Variants in SLC17A2 observed in about 807,000 individuals in gnomAD.
SLC17A2 encodes the protein solute carrier family 17 member 2, also known as sodium-dependent phosphate transport protein 3.
A neutral mutation model predicts 52.1 loss-of-function variants in SLC17A2; 38 were observed. That is an observed-to-expected ratio of 0.73 (90% CI 0.56 to 0.96). The LOEUF is 0.96. SLC17A2 is among the 40% of genes least tolerant of loss of function. The probability of loss-of-function intolerance (pLI) is 0.00; values close to 1 mark genes in which losing one functional copy is unlikely to be tolerated. For synonymous variants in SLC17A2, 226 were observed against 211.9 expected, an observed-to-expected ratio of 1.07 and a Z score of -0.58; for missense variants, 508 against 583.9, an observed-to-expected ratio of 0.87 and a Z score of 1.34.
Position 25,914,670 on chromosome 6 carries a change from T to C in SLC17A2, c.1212A>G (p.Arg404=). 1 of 1,588,864 alleles carries C rather than the reference T, an allele frequency of 6.3e-7. No homozygotes were observed. Among genetic ancestry groups the C allele is most frequent in the Non-Finnish European group, 8.6e-7 (1 of 1,157,600 alleles). Residue 404 remains arginine (R), a splice_region_variant and synonymous_variant, in exon 11 of 12, where the codon AGA becomes AGG. Coordinates refer to ENST00000377850, the MANE Select transcript of SLC17A2 (RefSeq NM_001286123.3). ...FIINTLDIAP[R]YASFLMGISR... ...AGATTCCCATGAGGAAACTTGCATA[T>C]CTGTGGGAAGATGATTTTATAAATG...
Position 25,921,410 on chromosome 6 carries a change from G to A in SLC17A2, c.243C>T (p.Ala81=). The change falls in exon 4 of 12, where the codon GCC becomes GCT. Residue 81 remains alanine, a splice_region_variant and synonymous_variant. Coordinates refer to ENST00000377850, the MANE Select transcript of SLC17A2 (RefSeq NM_001286123.3). ...SISIKEFDTK[A]SVYQWSPETQ... is the part of the protein sequence containing the mutation. Reference sequence around the variant, plus strand: ...TTTCTGGGCTCCATTGATACACAGAGGCCTGGGGGAAAAATAGGAAAACTC... The same window carrying A: ...TTTCTGGGCTCCATTGATACACAGAAGCCTGGGGGAAAAATAGGAAAACTC... 6.2e-7 allele frequency: 1 copy of A among 1,605,216 alleles called. No homozygotes were observed. Among genetic ancestry groups the A allele is most frequent in the Non-Finnish European group, 8.5e-7 (1 of 1,173,002 alleles).
chr6:25,923,992 C>G, intron 2 of SLC17A2, 86 bp from the exon 3 acceptor site: 1 of 1,032,928 alleles, frequency 9.7e-7, no homozygotes, highest in African/African-American at 1.6e-5. Context: ...TCTGATAGAA[C>G]TTTGGATGAC....
At chr6:25,921,551 C>A in intron 3 of SLC17A2, 139 bp from the exon 4 acceptor site, 1 of 613,796 alleles carries the variant, frequency 1.6e-6, no homozygotes, top group Non-Finnish European at 2.8e-6. Flanking sequence ...CCTACCTTCC[C>A]AAATAACCAA....
chr6:25,925,843 T>C lies in SLC17A2; in HGVS notation c.-47A>G. 1.2e-6 allele frequency: 2 copies of C among 1,602,084 alleles called. No homozygotes were observed. Among genetic ancestry groups the C allele is most frequent in the Non-Finnish European group, 1.7e-6 (2 of 1,168,894 alleles). On this transcript the variant is annotated 5_prime_UTR_variant, in exon 2 of 12. Coordinates refer to ENST00000377850, the MANE Select transcript of SLC17A2 (RefSeq NM_001286123.3). ...ACCACGCTTTGTGGTGGAGTTTCCCTGTGCCCTGAATCTCTTTTACTACGA... is the reference window on the plus strand; with the variant it reads ...ACCACGCTTTGTGGTGGAGTTTCCCCGTGCCCTGAATCTCTTTTACTACGA...
At chr6:25,925,171 C>T (rs764121894) in intron 2 of SLC17A2, among the ~76,000 whole-genome samples, 2 of 152,040 alleles carry the variant, frequency 1.3e-5, no homozygotes, top group South Asian at 2.1e-4. Context: ...AAGAGCCAGC[C>T]GCTTGGTGAG....
intron 3 of SLC17A2, 78 bp downstream of exon 3, chr6:25,923,617 C>T: frequency 9.1e-7 from 1 of 1,095,964 alleles, no homozygotes; most frequent in East Asian, 2.4e-5. Context: ...TACTTCCATA[C>T]TCCACAGAAT....
At chr6:25,917,169 C>T in intron 6 of SLC17A2, 82 bp from the exon 7 acceptor site, 1 of 885,486 alleles carries the variant, frequency 1.1e-6, no homozygotes. Context: ...GCATGCCTCT[C>T]CCTTCTACAC....
At position 25,923,055 on chromosome 6, in the gene SLC17A2, C is replaced by T. The variant is rs534712494; in HGVS notation, c.240+640G>A. ...TACAAAAATTAGCCAGCCGCGGTGGCATGCCCCCTTACTCCCAGCTACTTG... is the reference window on the plus strand; with the variant it reads ...TACAAAAATTAGCCAGCCGCGGTGGTATGCCCCCTTACTCCCAGCTACTTG... On this transcript the variant is annotated intron_variant, in intron 3 of 11. Transcript: ENST00000377850. Among the ~76,000 whole-genome samples the T allele has an allele frequency of 2.6e-5, 4 of 152,202 alleles. No individual in the cohort carries two copies. The South Asian group carries it at 8.3e-4, about 32-fold the overall frequency.
chr6:25,914,179 C>T (rs1334834332), intron 11 of SLC17A2, among the ~76,000 whole-genome samples: 1 of 152,126 alleles, frequency 6.6e-6, no homozygotes, highest in African/African-American at 2.4e-5. Context: ...GCCTAGGACA[C>T]TTTGTTTCCC....
Position 25,921,001 on chromosome 6 carries a change from C to G in SLC17A2, c.562+5G>C. ...CAAAGCTATGACCCATCTGTGCACA[C>G]TTACCTGATCCTGCAATGGTGGTGA... On this transcript the variant is annotated splice_donor_5th_base_variant and intron_variant, in intron 5 of 11. Coordinates refer to ENST00000377850, the MANE Select transcript of SLC17A2 (RefSeq NM_001286123.3). 6.2e-7 allele frequency: 1 copy of G among 1,613,972 alleles called. No individual in the cohort carries two copies. Among genetic ancestry groups the G allele is most frequent in the Non-Finnish European group, 8.5e-7 (1 of 1,179,818 alleles).
intron 10 of SLC17A2, among the ~76,000 whole-genome samples, 153 bp downstream of exon 10, chr6:25,915,346 G>T (rs1353217445): frequency 6.6e-6 from 1 of 151,450 alleles, no homozygotes; most frequent in African/African-American, 2.4e-5. Flanking sequence ...CACATTTGTT[G>T]TTCTAAAAAT....
chr6:25,914,668 T>G lies in SLC17A2; in HGVS notation c.1214A>C (p.Tyr405Ser). ...IINTLDIAPR[Y>S]ASFLMGISRG... ...TGAGATTCCCATGAGGAAACTTGCA[T>G]ATCTGTGGGAAGATGATTTTATAAA... Residue 405 changes from tyrosine (Y) to serine (S), a missense_variant and splice_region_variant, in exon 11 of 12, where the codon TAT becomes TCT. Physicochemically the swap from Tyr to Ser is moderately radical, Grantham distance 144. Coordinates refer to ENST00000377850, the MANE Select transcript of SLC17A2 (RefSeq NM_001286123.3). 6.3e-7 allele frequency: 1 copy of G among 1,592,328 alleles called. No individual in the cohort carries two copies. The highest frequency in any genetic ancestry group is 8.6e-7 in the Non-Finnish European group (1 of 1,160,470).
Position 25,925,892 on chromosome 6 carries a change from C to T in SLC17A2, c.-83-13G>A. Reference sequence around the variant, plus strand: ...GACAGTCTTTTATCTATGGAGAGAACATAATCCAAAACATAATACACAAAT... The same window carrying T: ...GACAGTCTTTTATCTATGGAGAGAATATAATCCAAAACATAATACACAAAT... On this transcript the variant is annotated splice_polypyrimidine_tract_variant and intron_variant, in intron 1 of 11. Transcript: ENST00000377850. 1 of 1,242,636 alleles carries T rather than the reference C, an allele frequency of 8.0e-7. No individual in the cohort carries two copies. The highest frequency in any genetic ancestry group is 1.2e-6 in the Non-Finnish European group (1 of 841,198). The allele number at this position is 1,242,636 out of a possible 1,614,324, so 77.0% of individuals were successfully genotyped here.
intron 3 of SLC17A2, among the ~76,000 whole-genome samples, chr6:25,922,966 C>T (rs1010935768): frequency 5.9e-5 from 9 of 152,062 alleles, no homozygotes; most frequent in Admixed American, 1.3e-4. Context: ...GAGGCCGAGG[C>T]GGGTGGATCA....
rs768976440 is a variant in SLC17A2 at position 25,914,650 on chromosome 6, C to A, written c.1232G>T (p.Gly411Val). 1.2e-6 allele frequency: 2 copies of A among 1,610,318 alleles called. No homozygotes were observed. The highest frequency in any genetic ancestry group is 1.7e-6 in the Non-Finnish European group (2 of 1,176,784). ...GATGAGCCCAAATCCCCTTGAGATT[C>A]CCATGAGGAAACTTGCATATCTGTG... is the stretch of plus-strand genomic sequence containing the variant. ...IAPRYASFLM[G>V]ISRGFGLIAG... Residue 411 changes from glycine (G) to valine (V), a missense_variant, in exon 11 of 12, where the codon GGA (glycine) becomes GTA (valine). Coordinates refer to ENST00000377850, the MANE Select transcript of SLC17A2 (RefSeq NM_001286123.3).
intron 1 of SLC17A2, among the ~76,000 whole-genome samples, chr6:25,928,356 G>A (rs1194713408): frequency 6.6e-6 from 1 of 152,054 alleles, no homozygotes; most frequent in Non-Finnish European, 1.5e-5. Context: ...CTAGAAGGAA[G>A]TTTGATAATG....
In SLC17A2 at chr6:25,916,575, T is replaced by C. The variant is rs1766325331; in HGVS notation, c.930+110A>G. The stretch of plus-strand genomic sequence containing the variant: ...AACAATGCCTCTCTCAAGGTCATTG[T>C]GAAGGTTAAATTAATGGTTATATGT... On this transcript the variant is annotated intron_variant, in intron 8 of 11. Transcript: ENST00000377850. The C allele has an allele frequency of 2.3e-5, 20 of 883,630 alleles. No homozygotes were observed. In the East Asian group the frequency reaches 4.7e-4, roughly 21 times the overall value. 54.7% of individuals were successfully genotyped at this position (883,630 alleles called of 1,614,324 possible). A position where few individuals can be genotyped will look rare whatever the true frequency, so the allele number is the denominator to read the frequency against.
chr6:25,922,133 A>G (rs1475547156), intron 3 of SLC17A2, among the ~76,000 whole-genome samples: 1 of 151,896 alleles, frequency 6.6e-6, no homozygotes, highest in African/African-American at 2.4e-5. Context: ...GAGCCAAAGA[A>G]TATAAAATAT....
At chr6:25,918,691 T>C in intron 5 of SLC17A2, 118 bp from the exon 6 acceptor site, 3 of 639,082 alleles carry the variant, frequency 4.7e-6, no homozygotes, top group Non-Finnish European at 8.5e-6. Flanking sequence ...GCAATGAGAG[T>C]ATTTATTTCT....
Sources: gnomAD v4.1 joint callset for allele counts (sites outside exome capture counted in the v4.1 genomes callset) on GRCh38, gnomAD v4.1.1 for gene constraint, MANE v1.5 for transcripts, NCBI Gene and HGNC (gene_info 2026-07-23, HGNC 2026-07-21) for gene names.